The following TNKS variants were observed in gnomAD, a reference collection of about 807,000 sequenced individuals.
TNKS encodes the protein tankyrase.
A neutral mutation model predicts 135.8 loss-of-function variants in TNKS; 72 were observed. That is an observed-to-expected ratio of 0.53 (90% CI 0.44 to 0.64). TNKS has a LOEUF of 0.64. TNKS is among the 30% of genes least tolerant of loss of function. TNKS has a pLI of 0.00. For missense variants in TNKS, 1,769 were observed against 1,674.0 expected (o/e 1.06, Z -0.99); for synonymous variants, 849 against 649.3 (o/e 1.31, Z -4.68).
chr8:9,597,625 A>G (rs1798840262), intron 2 of TNKS, among the ~76,000 whole-genome samples: 1 of 152,228 alleles, frequency 6.6e-6, no homozygotes, highest in South Asian at 2.1e-4. Context: ...AAATATTTCA[A>G]TAGCAGGGGT....
At chr8:9,764,892 T>A in intron 23 of TNKS, 102 bp downstream of exon 23, 1 of 873,304 alleles carries the variant, frequency 1.1e-6, no homozygotes, top group Non-Finnish European at 1.7e-6. Flanking sequence ...TTTCAAACTG[T>A]GAAAGATAAT....
intron 17 of TNKS, chr8:9,741,608 G>A: frequency 2.4e-6 from 1 of 419,708 alleles, no homozygotes; most frequent in Admixed American, 2.1e-5. Context: ...CTGTCACAGA[G>A]GATAAAGGAA....
rs796618509 is a variant in TNKS, at chr8:9,780,464, T to A, written c.*3728T>A. On this transcript the variant is annotated 3_prime_UTR_variant, in exon 27 of 27. Transcript: ENST00000310430. ...TATTTAAAGAGTAAAGTCAAATTTGTTTAATGTCAGATCAGTGACAGAAGT... is the reference window on the plus strand; with the variant it reads ...TATTTAAAGAGTAAAGTCAAATTTGATTAATGTCAGATCAGTGACAGAAGT... 4 of 152,348 alleles carry A rather than the reference T, an allele frequency of 2.6e-5. No homozygotes were observed. The highest frequency in any genetic ancestry group is 9.6e-5 in the African/African-American group (4 of 41,582). 9.4% of individuals were successfully genotyped at this position (152,348 alleles called of 1,614,324 possible). A position where few individuals can be genotyped will look rare whatever the true frequency, so the allele number is the denominator to read the frequency against.
chr8:9,611,269 A>G (rs1430275263), intron 2 of TNKS, among the ~76,000 whole-genome samples: 3 of 152,238 alleles, frequency 2.0e-5, no homozygotes, highest in African/African-American at 7.2e-5. Context: ...TAAAGATAGT[A>G]TAGGGGGCTT....
chr8:9,726,583 G>T, intron 12 of TNKS, 58 bp from the exon 13 acceptor site: 1 of 1,248,814 alleles, frequency 8.0e-7, no homozygotes, highest in South Asian at 1.7e-5. Flanking sequence ...CAAAATCAAT[G>T]CAGTTGGAAT....
intron 3 of TNKS, among the ~76,000 whole-genome samples, chr8:9,648,297 A>T (rs149043699): frequency 2.0e-4 from 31 of 152,154 alleles, no homozygotes; most frequent in Middle Eastern, 3.4e-3. Context: ...ATTTTTTTTA[A>T]CTTTTTGACT....
At chr8:9,753,574 A>C (rs909900088) in intron 20 of TNKS, among the ~76,000 whole-genome samples, 2 of 152,226 alleles carry the variant, frequency 1.3e-5, no homozygotes, top group Admixed American at 6.5e-5. Flanking sequence ...GTATGCTTTC[A>C]TTATTATGAT....
At chr8:9,768,980 A>C (rs2128839135) in intron 25 of TNKS, among the ~76,000 whole-genome samples, 1 of 152,362 alleles carries the variant, frequency 6.6e-6, no homozygotes, top group East Asian at 1.9e-4. Flanking sequence ...CATTACTAAA[A>C]ACAATTTGAC....
chr8:9,633,531 T>G (rs1800377467), intron 3 of TNKS, among the ~76,000 whole-genome samples: 1 of 152,196 alleles, frequency 6.6e-6, no homozygotes, highest in South Asian at 2.1e-4. Context: ...AGGTGCCCAA[T>G]CAACCTGTCT....
intron 1 of TNKS, among the ~76,000 whole-genome samples, chr8:9,570,973 T>TA (rs557170914): frequency 6.6e-6 from 1 of 152,094 alleles, no homozygotes; most frequent in Non-Finnish European, 1.5e-5. Flanking sequence ...GTCTCTTAAA[T>TA]AAAAAAATAA....
chr8:9,765,779 G>C lies in TNKS; in HGVS notation c.3535G>C (p.Glu1179Gln). 6.2e-7 allele frequency: 1 copy of C among 1,613,914 alleles called. No individual in the cohort carries two copies. The highest frequency in any genetic ancestry group is 8.5e-7 in the Non-Finnish European group (1 of 1,179,868). ...TGAGGAGAATCACAACCATCACAAT[G>C]AGCGCATGTTGTTTCATGGTAAGCA... ...VSEENHNHHN[E>Q]RMLFHGSPFI... is the part of the protein sequence containing the mutation. Residue 1179 changes from glutamate to glutamine, a missense_variant, in exon 24 of 27, where the codon GAG (glutamate) becomes CAG (glutamine). This residue lies in a region of TNKS where 722 missense variants were observed against 688.9 expected (regional missense o/e 1.05). Transcript: ENST00000310430.
At chr8:9,589,206 A>G (rs1330616218) in intron 2 of TNKS, among the ~76,000 whole-genome samples, 2 of 152,196 alleles carry the variant, frequency 1.3e-5, no homozygotes, top group African/African-American at 4.8e-5. Context: ...AAATGTAATC[A>G]GAAAGTAGGA....
chr8:9,658,428 G>A (rs1217273565), intron 3 of TNKS: 38 of 1,232,904 alleles, frequency 3.1e-5, no homozygotes, highest in East Asian at 6.2e-5. Flanking sequence ...GCGGTCGGGC[G>A]GCGGCGGCTG....
intron 25 of TNKS, among the ~76,000 whole-genome samples, chr8:9,768,765 A>T (rs887775182): frequency 1.3e-5 from 2 of 152,218 alleles, no homozygotes; most frequent in African/African-American, 2.4e-5. Context: ...GGAGCTCAAA[A>T]AGCCTCCTTC....
At chr8:9,760,280 G>A (rs1272680109) in intron 20 of TNKS, among the ~76,000 whole-genome samples, 1 of 152,136 alleles carries the variant, frequency 6.6e-6, no homozygotes, top group Non-Finnish European at 1.5e-5. Context: ...TTGGGTGGTT[G>A]GATGTGAATT....
chr8:9,571,617 C>T (rs971817689), intron 1 of TNKS, among the ~76,000 whole-genome samples: 17 of 152,134 alleles, frequency 1.1e-4, no homozygotes, highest in African/African-American at 3.9e-4. Context: ...ACCACCACGC[C>T]TGGCTATTTT....
At chr8:9,644,631 G>C (rs1800845845) in intron 3 of TNKS, among the ~76,000 whole-genome samples, 2 of 152,074 alleles carry the variant, frequency 1.3e-5, no homozygotes, top group Non-Finnish European at 2.9e-5. Flanking sequence ...AAACAAATTG[G>C]GTGGCATTTC....
At chr8:9,750,413 C>A (rs1037427618) in intron 18 of TNKS, among the ~76,000 whole-genome samples, 2 of 152,216 alleles carry the variant, frequency 1.3e-5, no homozygotes, top group East Asian at 3.8e-4. Flanking sequence ...GATAAACACA[C>A]CAGTCCAGTT....
At chr8:9,740,120 G>GT (rs1805860257) in intron 17 of TNKS, among the ~76,000 whole-genome samples, 1 of 145,556 alleles carries the variant, frequency 6.9e-6, no homozygotes, top group Admixed American at 6.8e-5. Flanking sequence ...GTCATCAGTT[G>GT]TAAGAGGAAG....
Sources: allele counts gnomAD v4.1 joint callset (sites outside exome capture counted in the v4.1 genomes callset), GRCh38; gene constraint gnomAD v4.1.1; regional missense constraint gnomAD v4.1.1; transcripts MANE v1.5; gene names NCBI Gene and HGNC (gene_info 2026-07-23, HGNC 2026-07-21).